Variants in ARHGEF17 observed in about 807,000 individuals in gnomAD.
ARHGEF17 encodes Rho guanine nucleotide exchange factor 17, also known as 164 kDa Rho-specific guanine-nucleotide exchange factor.
A neutral mutation model predicts 174.0 loss-of-function variants in ARHGEF17; 80 were observed. The observed-to-expected ratio is 0.46, with a 90% CI of 0.38 to 0.55. The LOEUF is 0.55. Among genes scored for constraint, ARHGEF17 ranks in the 20% least tolerant of loss-of-function variants. The probability of loss-of-function intolerance (pLI) is 0.00; values close to 1 mark genes in which losing one functional copy is unlikely to be tolerated. For missense variants in ARHGEF17, 2,886 were observed against 2,839.7 expected (o/e 1.02, Z -0.37); for synonymous variants, 1,311 against 1,189.1 (o/e 1.10, Z -2.11).
chr11:73,320,696 C>T (rs1415603940), intron 1 of ARHGEF17, among the ~76,000 whole-genome samples: 1 of 145,848 alleles, frequency 6.9e-6, no homozygotes, highest in Non-Finnish European at 1.5e-5. Flanking sequence ...GTCTCACTCT[C>T]TCAACCAGGC....
chr11:73,339,535 C>G (rs563678755), intron 1 of ARHGEF17, among the ~76,000 whole-genome samples: 45 of 152,342 alleles, frequency 3.0e-4, no homozygotes, highest in Admixed American at 2.2e-3. Flanking sequence ...CCAGCACCAG[C>G]TGGAGGACCA....
In ARHGEF17 at chr11:73,361,047, A is replaced by G. The variant is rs769186034; in HGVS notation, c.4421-41A>G. On this transcript the variant is annotated intron_variant, in intron 11 of 20. Coordinates refer to ENST00000263674, the MANE Select transcript of ARHGEF17 (RefSeq NM_014786.4). ...GCAGGACCAGGGTGAGATGGATGCT[A>G]TGCTAAGCAGGGTCCGTCTGTCTGT... 2.8e-5 allele frequency: 43 copies of G among 1,548,474 alleles called. No homozygotes were observed. The Admixed American group carries it at 5.5e-4, about 20-fold the overall frequency.
At chr11:73,343,236 G>A (rs1339949943) in intron 1 of ARHGEF17, 5 of 398,550 alleles carry the variant, frequency 1.3e-5, no homozygotes, top group Non-Finnish European at 1.8e-5. Context: ...GGAGCCTGCC[G>A]GGGGCAGCAG....
At chr11:73,337,627 C>G (rs1043095980) in intron 1 of ARHGEF17, among the ~76,000 whole-genome samples, 7 of 152,046 alleles carry the variant, frequency 4.6e-5, no homozygotes, top group African/African-American at 1.7e-4. Context: ...CCTGTGTTGC[C>G]CAGGCTGGTC....
chr11:73,317,008 T>G (rs1864939207), intron 1 of ARHGEF17, among the ~76,000 whole-genome samples: 1 of 152,068 alleles, frequency 6.6e-6, no homozygotes, highest in African/African-American at 2.4e-5. Context: ...ATGTTCAAGG[T>G]GAACACAGAG....
chr11:73,351,916 C>T (rs1360701530), intron 2 of ARHGEF17, among the ~76,000 whole-genome samples: 1 of 152,172 alleles, frequency 6.6e-6, no homozygotes, highest in Non-Finnish European at 1.5e-5. Flanking sequence ...ACGAGATTTC[C>T]ATATGTCATC....
At chr11:73,311,917 C>G in intron 1 of ARHGEF17, 87 bp downstream of exon 1, 5 of 1,442,750 alleles carry the variant, frequency 3.5e-6, no homozygotes, top group Non-Finnish European at 3.7e-6. Context: ...ATTGTATTCA[C>G]TGGTCAGGTG....
chr11:73,362,358 G>T, intron 13 of ARHGEF17, 75 bp from the exon 14 acceptor site: 1 of 1,452,946 alleles, frequency 6.9e-7, no homozygotes, highest in Non-Finnish European at 9.0e-7. Context: ...GTGTGGGCGG[G>T]GTCGGTGGGC....
chr11:73,359,785 G>C lies in ARHGEF17; in HGVS notation c.4088-49G>C, dbSNP rs531038980. The C allele has an allele frequency of 6.7e-5, 98 of 1,467,304 alleles. 3 individuals are homozygous for C. The South Asian group carries it at 1.3e-3, about 19-fold the overall frequency. 90.9% of individuals were successfully genotyped at this position (1,467,304 alleles called of 1,614,324 possible). A position where few individuals can be genotyped will look rare whatever the true frequency, so the allele number is the denominator to read the frequency against. ...AGGGAAGGAGAGTCTGTCCCAGCCT[G>C]ACCTTGTCTGTCTCTGTATCAGTCC... is the stretch of plus-strand genomic sequence containing the variant. On this transcript the variant is annotated intron_variant, in intron 9 of 20. Coordinates refer to ENST00000263674, the MANE Select transcript of ARHGEF17 (RefSeq NM_014786.4).
chr11:73,364,660 G>A, intron 18 of ARHGEF17, 60 bp downstream of exon 18: 1 of 1,550,066 alleles, frequency 6.5e-7, no homozygotes, highest in South Asian at 1.2e-5. Context: ...CGTGTGACAG[G>A]GAGATGGAGA....
intron 20 of ARHGEF17, among the ~76,000 whole-genome samples, chr11:73,366,774 T>G (rs1403867413): frequency 1.3e-5 from 2 of 152,136 alleles, no homozygotes; most frequent in Non-Finnish European, 2.9e-5. Flanking sequence ...GCGTGGTGGC[T>G]GACACCTGTA....
chr11:73,354,187 T>C (rs1024895653), intron 3 of ARHGEF17, among the ~76,000 whole-genome samples: 4 of 152,326 alleles, frequency 2.6e-5, no homozygotes, highest in East Asian at 3.9e-4. Context: ...GGGTTCCAGC[T>C]TGGATTGAGT....
rs538615533 is a variant in ARHGEF17 at position 73,315,914 on chromosome 11, A to G, written c.3192+4084A>G. ...CCCAGCCCCCTCTCCCCGTGTAGGG[A>G]CTTACCCCTCCTGCTTCCCTCCCAC... is the stretch of plus-strand genomic sequence containing the variant. On this transcript the variant is annotated intron_variant, in intron 1 of 20. Transcript: ENST00000263674. Among the ~76,000 whole-genome samples the G allele has an allele frequency of 1.2e-4, 18 of 151,998 alleles. No individual in the cohort carries two copies. The East Asian group carries it at 3.3e-3, about 28-fold the overall frequency.
chr11:73,326,612 C>T (rs1026368763), intron 1 of ARHGEF17, among the ~76,000 whole-genome samples: 53 of 152,062 alleles, frequency 3.5e-4, no homozygotes, highest in Non-Finnish European at 6.5e-4. Context: ...TCCAGCTACT[C>T]GGGAGGCTGA....
intron 1 of ARHGEF17, among the ~76,000 whole-genome samples, chr11:73,345,568 AGCCCTG>A (rs1865446850): frequency 6.6e-6 from 1 of 152,070 alleles, no homozygotes; most frequent in South Asian, 2.1e-4. Context: ...CTAAAACATG[AGCCCTG>A]GGCATAGCAG....
At position 73,308,914 on chromosome 11, in the gene ARHGEF17, G is replaced by A; in HGVS notation, c.276G>A (p.Pro92=). 1 of 1,361,196 alleles carries A rather than the reference G, an allele frequency of 7.3e-7. No homozygotes were observed. The highest frequency in any genetic ancestry group is 9.4e-7 in the Non-Finnish European group (1 of 1,062,774). 84.3% of individuals were successfully genotyped at this position (1,361,196 alleles called of 1,614,324 possible). A position where few individuals can be genotyped will look rare whatever the true frequency, so the allele number is the denominator to read the frequency against. ...AGCTCTCCCGGCGCTTCGACGCGCC[G>A]CGTCTGGACGACGGCTCCGCTGGGA... ...VRQLSRRFDA[P]RLDDGSAGTR... The change falls in exon 1 of 21, where the codon CCG becomes CCA. Residue 92 remains proline, a synonymous_variant. Transcript: ENST00000263674.
Position 73,362,159 on chromosome 11 carries a change from C to T in ARHGEF17, c.4614C>T (p.Asp1538=), listed in dbSNP as rs1428022613. ...VCLLSLRAEP[D]VEACIAVCSA... is the part of the protein sequence containing the mutation. ...TGCTGAGCCTGCGCGCCGAGCCGGA[C>T]GTGGAGGCCTGCATCGCCGTCTGTT... The change falls in exon 13 of 21, where the codon GAC becomes GAT. Residue 1538 remains aspartate (D), a synonymous_variant. Coordinates refer to ENST00000263674, the MANE Select transcript of ARHGEF17 (RefSeq NM_014786.4). 3 of 1,603,678 alleles carry T rather than the reference C, an allele frequency of 1.9e-6. No homozygotes were observed. The highest frequency in any genetic ancestry group is 2.5e-6 in the Non-Finnish European group (3 of 1,176,996).
Position 73,363,374 on chromosome 11 carries a change from C to T in ARHGEF17, c.5165C>T (p.Thr1722Ile), listed in dbSNP as rs760898740. Residue 1722 changes from threonine to isoleucine, a missense_variant, in exon 15 of 21, where the codon ACC (threonine) becomes ATC (isoleucine). By Grantham distance (89) the Thr-to-Ile change is moderately conservative. Coordinates refer to ENST00000263674, the MANE Select transcript of ARHGEF17 (RefSeq NM_014786.4). ...ALRRSSHGSF[T>I]RGSLEDLLSV... ...CGCCGCTCCAGCCACGGCTCCTTCACCCGGGGCAGCCTTGAGGACCTGCTG... is the reference window on the plus strand; with the variant it reads ...CGCCGCTCCAGCCACGGCTCCTTCATCCGGGGCAGCCTTGAGGACCTGCTG... 2 of 1,613,154 alleles carry T rather than the reference C, an allele frequency of 1.2e-6. No homozygotes were observed. The highest frequency in any genetic ancestry group is 1.1e-5 in the South Asian group (1 of 91,022).
At chr11:73,353,062 A>G in intron 3 of ARHGEF17, 50 bp downstream of exon 3, 1 of 1,606,458 alleles carries the variant, frequency 6.2e-7, no homozygotes, top group Non-Finnish European at 8.5e-7. Flanking sequence ...CCCTCCTGGA[A>G]GGGGCTGGAT....
Sources: gnomAD v4.1 joint callset for allele counts (sites outside exome capture counted in the v4.1 genomes callset) on GRCh38, gnomAD v4.1.1 for gene constraint, MANE v1.5 for transcripts, NCBI Gene and HGNC (gene_info 2026-07-23, HGNC 2026-07-21) for gene names.